ITFG1: variants seen among roughly 807,000 people sequenced by gnomAD.
ITFG1 encodes T-cell immunomodulatory protein.
Under a neutral mutation model 81.8 loss-of-function variants are expected in ITFG1, and 34 were observed. The observed-to-expected ratio is 0.42, with a 90% CI of 0.32 to 0.55. ITFG1 has a LOEUF of 0.55. ITFG1 is among the 20% of genes least tolerant of loss of function. ITFG1 has a pLI of 0.17. For missense variants in ITFG1, 672 were observed against 755.4 expected (o/e 0.89, Z 1.29); for synonymous variants, 285 against 270.6 (o/e 1.05, Z -0.52).
At chr16:47,320,391 C>T (rs1967430601) in intron 8 of ITFG1, among the ~76,000 whole-genome samples, 1 of 152,030 alleles carries the variant, frequency 6.6e-6, no homozygotes, top group Non-Finnish European at 1.5e-5. Context: ...ACTCTGTTTC[C>T]CCCACCCACA....
chr16:47,363,558 G>A (rs1220019556), intron 8 of ITFG1, among the ~76,000 whole-genome samples: 4 of 151,906 alleles, frequency 2.6e-5, no homozygotes, highest in Non-Finnish European at 4.4e-5. Context: ...TAAATGAGTC[G>A]TTCATGCCAC....
chr16:47,390,420 G>A (rs762300820), intron 6 of ITFG1, among the ~76,000 whole-genome samples: 9 of 151,964 alleles, frequency 5.9e-5, no homozygotes, highest in Non-Finnish European at 1.0e-4. Context: ...ACATAACTTC[G>A]GAATGAAATA....
chr16:47,275,986 G>A (rs1596855043), intron 10 of ITFG1, among the ~76,000 whole-genome samples: 1 of 152,174 alleles, frequency 6.6e-6, no homozygotes, highest in African/African-American at 2.4e-5. Context: ...TAAAAAGAAT[G>A]TATGGTCATG....
intron 6 of ITFG1, among the ~76,000 whole-genome samples, chr16:47,411,179 CCA>C (rs796807104): frequency 1.3e-5 from 2 of 152,136 alleles, no homozygotes; most frequent in South Asian, 4.1e-4. Flanking sequence ...AGGAGGAGCT[CCA>C]CTCTCAGAAC....
intron 12 of ITFG1, among the ~76,000 whole-genome samples, chr16:47,248,445 A>T (rs527364321): frequency 1.3e-5 from 2 of 152,352 alleles, no homozygotes; most frequent in East Asian, 3.9e-4. Context: ...TAAAAAAAAG[A>T]AATAATGTGT....
At chr16:47,436,848 T>C (rs1321303380) in intron 5 of ITFG1, among the ~76,000 whole-genome samples, 2 of 152,154 alleles carry the variant, frequency 1.3e-5, no homozygotes, top group African/African-American at 4.8e-5. Flanking sequence ...TTAGACCCAT[T>C]TGCTTCTCAA....
At chr16:47,289,332 T>C (rs1966883333) in intron 10 of ITFG1, among the ~76,000 whole-genome samples, 1 of 152,202 alleles carries the variant, frequency 6.6e-6, no homozygotes, top group African/African-American at 2.4e-5. Flanking sequence ...TGCATCCTTG[T>C]CTTGTTTTGG....
intron 13 of ITFG1, among the ~76,000 whole-genome samples, chr16:47,219,653 C>G (rs1965667272): frequency 6.6e-6 from 1 of 152,138 alleles, no homozygotes; most frequent in African/African-American, 2.4e-5. Flanking sequence ...ATATTTTTCT[C>G]AGCCTCAAAA....
intron 8 of ITFG1, among the ~76,000 whole-genome samples, chr16:47,353,502 T>C (rs1967995276): frequency 6.6e-6 from 1 of 152,098 alleles, no homozygotes; most frequent in African/African-American, 2.4e-5. Context: ...AAGACAAGGA[T>C]GCCCAGTTTC....
chr16:47,461,206 A>C, upstream of ITFG1: 1 of 967,810 alleles, frequency 1.0e-6, no homozygotes. Context: ...TTCCGACGCT[A>C]AAAAAGCAGT....
intron 8 of ITFG1, among the ~76,000 whole-genome samples, chr16:47,357,560 A>G (rs981825947): frequency 1.3e-5 from 2 of 148,718 alleles, no homozygotes; most frequent in Non-Finnish European, 3.0e-5. Flanking sequence ...GCTTTCAGTG[A>G]GCTGAGATCA....
At chr16:47,407,353 A>C (rs1191039055) in intron 6 of ITFG1, among the ~76,000 whole-genome samples, 1 of 152,096 alleles carries the variant, frequency 6.6e-6, no homozygotes, top group African/African-American at 2.4e-5. Flanking sequence ...GGATGACTCC[A>C]ATGTTTTTTA....
intron 6 of ITFG1, among the ~76,000 whole-genome samples, chr16:47,423,732 C>A (rs2151607711): frequency 6.6e-6 from 1 of 152,316 alleles, no homozygotes; most frequent in African/African-American, 2.4e-5. Context: ...GTTGAAAATT[C>A]TTTAAGAATG....
At chr16:47,420,450 T>C (rs1968930843) in intron 6 of ITFG1, among the ~76,000 whole-genome samples, 1 of 152,202 alleles carries the variant, frequency 6.6e-6, no homozygotes, top group South Asian at 2.1e-4. Context: ...TGCTGAACTA[T>C]TAATGTACTG....
intron 3 of ITFG1, 48 bp downstream of exon 3, chr16:47,453,965 A>T: frequency 5.5e-6 from 6 of 1,094,008 alleles, no homozygotes; most frequent in Non-Finnish European, 6.7e-6. Context: ...TGTTACATTT[A>T]CCTTCATATT....
chr16:47,325,701 C>T (rs1273941345), intron 8 of ITFG1, among the ~76,000 whole-genome samples: 5 of 152,100 alleles, frequency 3.3e-5, no homozygotes, highest in Admixed American at 6.6e-5. Context: ...AACACCTCTA[C>T]GCAAATAAAC....
At chr16:47,442,730 C>A (rs1969269921) in intron 5 of ITFG1, among the ~76,000 whole-genome samples, 1 of 152,158 alleles carries the variant, frequency 6.6e-6, no homozygotes. Context: ...CCCTTCCTTA[C>A]ACCTTATACA....
At chr16:47,291,309 A>G (rs1966902537) in intron 10 of ITFG1, among the ~76,000 whole-genome samples, 1 of 152,016 alleles carries the variant, frequency 6.6e-6, no homozygotes, top group South Asian at 2.1e-4. Context: ...TTTGTATGTG[A>G]CTTGACTGTT....
At chr16:47,175,769 A>G (rs138485384) in intron 14 of ITFG1, among the ~76,000 whole-genome samples, 38 of 152,292 alleles carry the variant, frequency 2.5e-4, no homozygotes, top group Admixed American at 6.5e-4. Context: ...ATTTTTTGTG[A>G]TGCAGTCTTG....
Sources: allele counts gnomAD v4.1 joint callset (sites outside exome capture counted in the v4.1 genomes callset), GRCh38; gene constraint gnomAD v4.1.1; transcripts MANE v1.5; gene names NCBI Gene and HGNC (gene_info 2026-07-23, HGNC 2026-07-21).